DDX10: variants seen among roughly 807,000 people sequenced by gnomAD.
The protein encoded by DDX10 is probable ATP-dependent RNA helicase DDX10.
DDX10 carries 74 observed loss-of-function variants against 104.3 expected under a neutral mutation model. The ratio of observed to expected loss-of-function variants is 0.71; its 90% CI spans 0.59 to 0.86. The LOEUF is 0.86. Ranked by LOEUF, DDX10 falls within the 40% of genes least tolerant of loss-of-function variation. DDX10 has a pLI of 0.00. For synonymous variants in DDX10, 351 were observed against 353.4 expected (o/e 0.99, Z 0.08); for missense variants, 952 against 1,040.0 (o/e 0.92, Z 1.16).
At chr11:108,849,012 C>A (rs1368715286) in intron 15 of DDX10, among the ~76,000 whole-genome samples, 1 of 151,990 alleles carries the variant, frequency 6.6e-6, no homozygotes, top group East Asian at 1.9e-4. Context: ...TTCTTTGTAT[C>A]CTTGTTATAG....
intron 5 of DDX10, among the ~76,000 whole-genome samples, chr11:108,678,985 G>A (rs1004127351): frequency 2.8e-5 from 4 of 144,868 alleles, no homozygotes; most frequent in Admixed American, 1.5e-4. Context: ...TCAGCCTCCC[G>A]ATAGCTGGGA....
intron 1 of DDX10, among the ~76,000 whole-genome samples, chr11:108,673,201 A>C (rs190019504): frequency 7.9e-5 from 12 of 152,070 alleles, no homozygotes. Context: ...AACATTTTGG[A>C]GGTCAGATAG....
At chr11:108,736,718 C>T (rs1340162140) in intron 13 of DDX10, among the ~76,000 whole-genome samples, 1 of 152,140 alleles carries the variant, frequency 6.6e-6, no homozygotes, top group African/African-American at 2.4e-5. Context: ...TGCCTTCTGC[C>T]ATGTGAGGAT....
intron 13 of DDX10, among the ~76,000 whole-genome samples, chr11:108,809,533 G>A (rs775822007): frequency 1.1e-4 from 17 of 152,196 alleles, no homozygotes; most frequent in Non-Finnish European, 2.4e-4. Flanking sequence ...TAAAGGATAG[G>A]AGTGAATACC....
chr11:108,921,216 T>A (rs375285251), intron 17 of DDX10: 1 of 152,244 alleles, frequency 6.6e-6, no homozygotes, highest in East Asian at 1.9e-4. Flanking sequence ...TTTGCCTCAA[T>A]GGCAATGAAT....
chr11:108,789,923 A>G (rs1363413924), intron 13 of DDX10, among the ~76,000 whole-genome samples: 1 of 152,178 alleles, frequency 6.6e-6, no homozygotes, highest in African/African-American at 2.4e-5. Context: ...CTCTTGATTA[A>G]AAGACCCTGT....
rs1192885495 is a variant in DDX10, at chr11:108,866,696, C to G, written c.2304+14487C>G. On this transcript the variant is annotated intron_variant, in intron 16 of 17. Coordinates refer to ENST00000322536, the MANE Select transcript of DDX10 (RefSeq NM_004398.4). The stretch of plus-strand genomic sequence containing the variant: ...CTGCCAGTATTGAACTATTGCATAC[C>G]ATATACTGTGCTAAGGCATGTCATT... 4.6e-5 allele frequency among the ~76,000 whole-genome samples: 7 copies of G among 152,034 alleles called. No individual in the cohort carries two copies. The East Asian group carries it at 1.3e-3, about 29-fold the overall frequency.
At chr11:108,682,198 G>A (rs1189139723) in intron 6 of DDX10, among the ~76,000 whole-genome samples, 2 of 152,098 alleles carry the variant, frequency 1.3e-5, no homozygotes, top group East Asian at 1.9e-4. Flanking sequence ...TCTGCCTCCC[G>A]GGTTCAAGCA....
chr11:108,841,096 C>A (rs932898944), intron 14 of DDX10, among the ~76,000 whole-genome samples: 6 of 152,206 alleles, frequency 3.9e-5, no homozygotes, highest in African/African-American at 1.4e-4. Context: ...GTGAAATTTT[C>A]TTTTAATCCT....
At position 108,688,900 on chromosome 11, in the gene DDX10, A is replaced by G. The variant is rs185799121; in HGVS notation, c.849-36A>G. 7.7e-4 allele frequency: 1,235 copies of G among 1,596,148 alleles called. 12 individuals are homozygous for G. The African/African-American group carries it at 0.014, about 18-fold the overall frequency. ...TCTGGATTTCAGTTACTTACATGAC[A>G]TATTCTAATGTTTTTCTTTTCCGTA... On this transcript the variant is annotated intron_variant, in intron 6 of 17. Transcript: ENST00000322536.
At chr11:108,756,714 C>T (rs1028873215) in intron 13 of DDX10, among the ~76,000 whole-genome samples, 2 of 152,024 alleles carry the variant, frequency 1.3e-5, no homozygotes, top group Non-Finnish European at 2.9e-5. Flanking sequence ...TCATTGCAGC[C>T]TCACTAAAGC....
At chr11:108,759,593 T>C (rs1163709900) in intron 13 of DDX10, among the ~76,000 whole-genome samples, 1 of 152,002 alleles carries the variant, frequency 6.6e-6, no homozygotes, top group Non-Finnish European at 1.5e-5. Context: ...AATTAAAAAG[T>C]TTTTATAGCC....
chr11:108,939,828 A>G (rs973986156), intron 17 of DDX10, among the ~76,000 whole-genome samples: 5 of 152,232 alleles, frequency 3.3e-5, no homozygotes, highest in Non-Finnish European at 7.3e-5. Context: ...TGCAACAGAT[A>G]TTAGAAGCAG....
intron 13 of DDX10, among the ~76,000 whole-genome samples, chr11:108,783,080 C>A (rs745457314): frequency 6.6e-6 from 1 of 152,108 alleles, no homozygotes; most frequent in Non-Finnish European, 1.5e-5. Flanking sequence ...TTCCTAGTGC[C>A]CACTCACTAT....
Position 108,678,432 on chromosome 11 carries a change from T to C in DDX10, c.655T>C (p.Leu219=). ...TTTTCATGCTACCGACCTCCAAATG[T>C]TAGGTGAGTCAAATCAATTTCTAAT... The part of the protein sequence containing the change: ...VSFHATDLQM[L]VLDEADRILD... The change falls in exon 5 of 18, where the codon TTA becomes CTA. Residue 219 remains leucine, a synonymous_variant. Coordinates refer to ENST00000322536, the MANE Select transcript of DDX10 (RefSeq NM_004398.4). 6.3e-7 allele frequency: 1 copy of C among 1,586,930 alleles called. No individual in the cohort carries two copies. The highest frequency in any genetic ancestry group is 1.2e-5 in the South Asian group (1 of 83,550).
chr11:108,869,192 C>T (rs922489976), intron 16 of DDX10, among the ~76,000 whole-genome samples: 14 of 71,994 alleles, frequency 1.9e-4, no homozygotes, highest in Non-Finnish European at 4.3e-4. Flanking sequence ...ATTTTTAAAC[C>T]CGTTGTTTTT....
chr11:108,671,370 G>C (rs978476536), intron 1 of DDX10, among the ~76,000 whole-genome samples: 3 of 152,168 alleles, frequency 2.0e-5, no homozygotes, highest in African/African-American at 7.2e-5. Context: ...CGCCATGTTG[G>C]CCAGGCTGGT....
intron 3 of DDX10, 165 bp downstream of exon 3, chr11:108,675,891 C>G (rs1024540299): frequency 1.1e-5 from 9 of 806,436 alleles, no homozygotes; most frequent in Non-Finnish European, 1.7e-5. Context: ...TTGTTCTCAC[C>G]ATTTTCCCCA....
chr11:108,737,181 A>G (rs2094319417), intron 13 of DDX10, among the ~76,000 whole-genome samples: 1 of 152,216 alleles, frequency 6.6e-6, no homozygotes. Flanking sequence ...CTTCCTCAAC[A>G]CATTATGATC....
Sources: gnomAD v4.1 joint callset for allele counts (sites outside exome capture counted in the v4.1 genomes callset) on GRCh38, gnomAD v4.1.1 for gene constraint, MANE v1.5 for transcripts, NCBI Gene and HGNC (gene_info 2026-07-23, HGNC 2026-07-21) for gene names.